The following NXPE2 variants were observed in gnomAD, a reference collection of about 807,000 sequenced individuals.
NXPE2 encodes neurexophilin and PC-esterase domain family member 2, also known as NXPE family member 2.
NXPE2 carries 34 observed loss-of-function variants against 34.4 expected under a neutral mutation model. That is an observed-to-expected ratio of 0.99 (90% CI 0.75 to 1.31). The LOEUF (loss-of-function observed/expected upper bound fraction) is 1.31, where lower values mean the gene tolerates loss of function less well. Among genes scored for constraint, NXPE2 ranks in the 40% most tolerant of loss-of-function variants. The pLI, the probability that NXPE2 is intolerant of heterozygous loss-of-function variation, is 0.00. For missense variants in NXPE2, 649 were observed against 672.5 expected (o/e 0.97, Z 0.39); for synonymous variants, 235 against 231.3 (o/e 1.02, Z -0.15).
intron 2 of NXPE2, among the ~76,000 whole-genome samples, chr11:114,692,812 C>CTTTT (rs1245974248): frequency 6.6e-6 from 1 of 151,970 alleles, no homozygotes; most frequent in African/African-American, 2.4e-5. Flanking sequence ...TTCTTTCTTT[C>CTTTT]TTTTTTTGTT....
the NXPE2 span, among the ~76,000 whole-genome samples, chr11:114,809,866 A>G: frequency 6.5e-5 from 8 of 123,470 alleles, no homozygotes; most frequent in Non-Finnish European, 1.2e-4. Context: ...GAACCAAAAA[A>G]GAGCCCACAT....
the NXPE2 span, among the ~76,000 whole-genome samples, chr11:114,790,916 T>C: frequency 2.6e-5 from 4 of 151,434 alleles, no homozygotes; most frequent in Non-Finnish European, 5.9e-5. Flanking sequence ...CACCAACTCA[T>C]TGTAGATTTA....
the NXPE2 span, among the ~76,000 whole-genome samples, chr11:114,471,936 C>T: frequency 1.3e-5 from 2 of 152,188 alleles, no homozygotes; most frequent in East Asian, 1.9e-4. Context: ...CTTTATCTTA[C>T]AGGTTTGCCA....
the NXPE2 span, among the ~76,000 whole-genome samples, chr11:114,638,880 G>T: frequency 1.3e-5 from 2 of 151,344 alleles, no homozygotes; most frequent in Non-Finnish European, 2.9e-5. Context: ...CCCTACTGGG[G>T]GGTGCCTCCT....
Position 114,681,449 on chromosome 11 carries a change from C to T in NXPE2, c.132+1687C>T, listed in dbSNP as rs562855490. 2.4e-4 allele frequency among the ~76,000 whole-genome samples: 37 copies of T among 152,280 alleles called. No homozygotes were observed. In the South Asian group the frequency reaches 6.2e-3, roughly 26 times the overall value. On this transcript the variant is annotated intron_variant, in intron 2 of 5. Transcript: ENST00000389586. ...TGCCTTGGCACAGTGTTTTATTGGA[C>T]TCATTTAAATAAAGGGCACAGAAAC...
chr11:114,786,981 T>G, the NXPE2 span, among the ~76,000 whole-genome samples: 1 of 152,078 alleles, frequency 6.6e-6, no homozygotes, highest in Non-Finnish European at 1.5e-5. Context: ...GTGGGAGTGG[T>G]GCATATTGCC....
the NXPE2 span, among the ~76,000 whole-genome samples, chr11:114,491,393 A>G: frequency 1.3e-5 from 2 of 152,140 alleles, no homozygotes; most frequent in African/African-American, 4.8e-5. Context: ...TATGCAGCCA[A>G]AAACACATGA....
At chr11:114,746,144 C>A in the NXPE2 span, among the ~76,000 whole-genome samples, 1 of 151,894 alleles carries the variant, frequency 6.6e-6, no homozygotes, top group African/African-American at 2.4e-5. Context: ...GATGTTTGAC[C>A]AGAATCTATC....
the NXPE2 span, among the ~76,000 whole-genome samples, chr11:114,785,185 G>C: frequency 0.16 from 23,911 of 151,894 alleles, 1,950 homozygotes; most frequent in Admixed American, 0.21. Flanking sequence ...GCTTCTGCAT[G>C]AACAAAGCCC....
the NXPE2 span, among the ~76,000 whole-genome samples, chr11:114,810,178 A>G: frequency 1.4e-5 from 2 of 146,832 alleles, no homozygotes; most frequent in Non-Finnish European, 3.0e-5. Context: ...TACACCTTAT[A>G]CAAAAATTAA....
the NXPE2 span, among the ~76,000 whole-genome samples, chr11:114,793,296 T>C: frequency 6.6e-6 from 1 of 152,194 alleles, no homozygotes; most frequent in Non-Finnish European, 1.5e-5. Context: ...AAATGCAAAT[T>C]ATATTTTCTA....
chr11:114,745,220 T>C, the NXPE2 span, among the ~76,000 whole-genome samples: 1 of 152,160 alleles, frequency 6.6e-6, no homozygotes, highest in African/African-American at 2.4e-5. Flanking sequence ...ATGAGGTTTA[T>C]TTGGGTCACA....
chr11:114,706,255 C>T (rs1230070258), intron 5 of NXPE2, 140 bp from the exon 6 acceptor site: 9 of 633,418 alleles, frequency 1.4e-5, no homozygotes, highest in Non-Finnish European at 2.2e-5. Context: ...TGTAATGCAC[C>T]TGGTAAAATT....
chr11:114,511,394 TA>T, the NXPE2 span, among the ~76,000 whole-genome samples: 1 of 152,092 alleles, frequency 6.6e-6, no homozygotes, highest in African/African-American at 2.4e-5. Flanking sequence ...TCCGAGGCCA[TA>T]AGCATGAGAA....
At chr11:114,752,991 T>A in the NXPE2 span, among the ~76,000 whole-genome samples, 34 of 152,176 alleles carry the variant, frequency 2.2e-4, 1 homozygote, top group African/African-American at 8.2e-4. Context: ...CGGGGAGATG[T>A]GGAATAATTA....
chr11:114,641,938 G>A, the NXPE2 span, among the ~76,000 whole-genome samples: 1 of 152,042 alleles, frequency 6.6e-6, no homozygotes, highest in Admixed American at 6.6e-5. Context: ...CATTTGCAAA[G>A]TTTGACACAG....
the NXPE2 span, among the ~76,000 whole-genome samples, chr11:114,586,305 C>T: frequency 3.3e-5 from 5 of 152,300 alleles, no homozygotes; most frequent in East Asian, 5.8e-4. Flanking sequence ...CAATGAACCT[C>T]GGGTATTATC....
the NXPE2 span, among the ~76,000 whole-genome samples, chr11:114,721,858 A>G: frequency 6.6e-6 from 1 of 152,148 alleles, no homozygotes. Flanking sequence ...GTCTTTAGTT[A>G]CTGTATTCTA....
the NXPE2 span, among the ~76,000 whole-genome samples, chr11:114,644,933 G>C: frequency 6.6e-6 from 1 of 151,590 alleles, no homozygotes; most frequent in Non-Finnish European, 1.5e-5. Flanking sequence ...ATAAAAGCTT[G>C]ATAAATAACA....
Sources: allele counts gnomAD v4.1 joint callset (sites outside exome capture counted in the v4.1 genomes callset), GRCh38; gene constraint gnomAD v4.1.1; transcripts MANE v1.5; gene names NCBI Gene and HGNC (gene_info 2026-07-23, HGNC 2026-07-21).